The following NTM variants were observed in gnomAD, a reference collection of about 807,000 sequenced individuals.
The protein encoded by NTM is neurotrimin, also known as IgLON family member 2.
In NTM, 13 loss-of-function variants were observed where a neutral mutation model predicts 42.1. The observed-to-expected ratio is 0.31, with a 90% CI of 0.20 to 0.49. NTM has a LOEUF of 0.49. Among genes scored for constraint, NTM ranks in the 20% least tolerant of loss-of-function variants. The pLI is 0.99. For missense variants in NTM, 373 were observed against 452.8 expected, an observed-to-expected ratio of 0.82 and a Z score of 1.60; for synonymous variants, 187 against 179.2, an observed-to-expected ratio of 1.04 and a Z score of -0.35.
intron 2 of NTM, among the ~76,000 whole-genome samples, chr11:132,145,442 G>C (rs2070173212): frequency 6.6e-6 from 1 of 152,186 alleles, no homozygotes; most frequent in African/African-American, 2.4e-5. Flanking sequence ...CAGACTTGCT[G>C]TAGTAAGAGA....
At chr11:132,119,777 TAAATG>T (rs1251525915) in intron 2 of NTM, among the ~76,000 whole-genome samples, 1 of 152,204 alleles carries the variant, frequency 6.6e-6, no homozygotes, top group Non-Finnish European at 1.5e-5. Context: ...GCAGAGCTGT[TAAATG>T]AAATGCAATC....
At chr11:131,614,108 T>A (rs10894423) in intron 1 of NTM, among the ~76,000 whole-genome samples, 1 of 151,950 alleles carries the variant, frequency 6.6e-6, no homozygotes, top group Non-Finnish European at 1.5e-5. Context: ...TTCACTGAGA[T>A]CTGGGGCGAT....
At position 131,433,178 on chromosome 11, in the gene NTM, A is replaced by G. The variant is rs545083385; in HGVS notation, c.82+62290A>G. Among the ~76,000 whole-genome samples, 4 of 152,186 alleles carry G rather than the reference A, an allele frequency of 2.6e-5. No individual in the cohort carries two copies. In the East Asian group the frequency reaches 7.7e-4, roughly 29 times the overall value. On this transcript the variant is annotated intron_variant, in intron 1 of 8. Coordinates refer to ENST00000683400, the MANE Select transcript of NTM (RefSeq NM_001352005.2). ...AGCCTAGCATTCTTAAACCTGTCCC[A>G]TCACATTTAATTCTTCCATTTTCCT... is the stretch of plus-strand genomic sequence containing the variant.
intron 1 of NTM, among the ~76,000 whole-genome samples, chr11:131,609,886 T>C (rs1402416668): frequency 6.6e-6 from 1 of 152,176 alleles, no homozygotes. Flanking sequence ...TCTGCAGAGG[T>C]TGGCAGAGCT....
intron 1 of NTM, among the ~76,000 whole-genome samples, chr11:131,799,527 A>G (rs887737632): frequency 3.3e-5 from 5 of 152,128 alleles, no homozygotes; most frequent in African/African-American, 7.2e-5. Context: ...AGGGGAGGCA[A>G]TTCAAGGCCC....
At chr11:131,911,238 G>C in intron 1 of NTM, 1 of 1,405,612 alleles carries the variant, frequency 7.1e-7, no homozygotes, top group Non-Finnish European at 9.3e-7. Flanking sequence ...CGAGGAGGGA[G>C]CCCCCTTTGG....
chr11:132,273,777 C>A (rs2093603114), intron 4 of NTM, among the ~76,000 whole-genome samples: 2 of 151,974 alleles, frequency 1.3e-5, no homozygotes, highest in South Asian at 4.1e-4. Flanking sequence ...CGTGGTGGTG[C>A]ATGCCTGTAA....
intron 3 of NTM, among the ~76,000 whole-genome samples, chr11:132,187,693 G>T (rs1034734840): frequency 2.6e-5 from 4 of 152,158 alleles, no homozygotes; most frequent in Non-Finnish European, 5.9e-5. Flanking sequence ...GCATCTCTGG[G>T]CTTTGGGGAG....
chr11:132,000,324 T>G (rs2068948650), intron 2 of NTM, among the ~76,000 whole-genome samples: 1 of 152,210 alleles, frequency 6.6e-6, no homozygotes, highest in African/African-American at 2.4e-5. Flanking sequence ...AGCAAAAGAT[T>G]TCCATATCAT....
At chr11:131,416,082 C>A (rs548880671) in intron 1 of NTM, among the ~76,000 whole-genome samples, 7 of 152,244 alleles carry the variant, frequency 4.6e-5, no homozygotes, top group Admixed American at 2.6e-4. Flanking sequence ...TAATTACACT[C>A]AAAAATAATT....
In NTM at chr11:131,769,646, G is replaced by T. The variant is rs571349444; in HGVS notation, c.83-141918G>T. The T allele has an allele frequency of 6.4e-6, 6 of 938,592 alleles. No individual in the cohort carries two copies. The East Asian group carries it at 5.8e-4, about 91-fold the overall frequency. 58.1% of individuals were successfully genotyped at this position (938,592 alleles called of 1,614,324 possible). ...CCTGCCTGTGGAGCAGATAGCATGAGCTCGCTTTTACAGACGAGGCAACCG... is the reference window on the plus strand; with the variant it reads ...CCTGCCTGTGGAGCAGATAGCATGATCTCGCTTTTACAGACGAGGCAACCG... On this transcript the variant is annotated intron_variant, in intron 1 of 8. Transcript: ENST00000683400.
At chr11:131,820,318 A>G (rs2093132080) in intron 1 of NTM, among the ~76,000 whole-genome samples, 1 of 152,072 alleles carries the variant, frequency 6.6e-6, no homozygotes, top group Admixed American at 6.6e-5. Flanking sequence ...GTCCGTGGAG[A>G]GCAGGAGTCC....
intron 2 of NTM, among the ~76,000 whole-genome samples, chr11:132,081,539 TGGCTAACAC>T (rs1411370870): frequency 6.7e-6 from 1 of 150,322 alleles, no homozygotes; most frequent in African/African-American, 2.5e-5. Flanking sequence ...GAGACCATCC[TGGCTAACAC>T]GGTGAAACCC....
chr11:131,427,335 G>A (rs1429551274), intron 1 of NTM, among the ~76,000 whole-genome samples: 1 of 152,060 alleles, frequency 6.6e-6, no homozygotes, highest in Non-Finnish European at 1.5e-5. Flanking sequence ...CTTTAAAATG[G>A]CAGCTTCTCT....
intron 1 of NTM, among the ~76,000 whole-genome samples, chr11:131,416,599 C>T (rs1946984514): frequency 1.3e-5 from 2 of 152,150 alleles, no homozygotes; most frequent in Non-Finnish European, 2.9e-5. Context: ...CAGTTAGACT[C>T]AATAAACAGA....
chr11:131,527,901 C>A (rs1477423147), intron 1 of NTM, among the ~76,000 whole-genome samples: 2 of 152,168 alleles, frequency 1.3e-5, no homozygotes, highest in Non-Finnish European at 2.9e-5. Flanking sequence ...GCCCATTGAT[C>A]ATGTACTAGT....
chr11:131,762,421 G>A (rs1266128456), intron 1 of NTM, among the ~76,000 whole-genome samples: 1 of 152,246 alleles, frequency 6.6e-6, no homozygotes, highest in South Asian at 2.1e-4. Flanking sequence ...GAGGGTTTGA[G>A]TTCTACATGT....
intron 4 of NTM, among the ~76,000 whole-genome samples, chr11:132,222,064 C>T (rs577580703): frequency 2.0e-5 from 3 of 152,146 alleles, no homozygotes; most frequent in African/African-American, 4.8e-5. Flanking sequence ...CCTGTGTCAT[C>T]GCGCTGGACT....
At chr11:131,661,601 AG>A (rs1219734176) in intron 1 of NTM, among the ~76,000 whole-genome samples, 4 of 152,208 alleles carry the variant, frequency 2.6e-5, no homozygotes, top group African/African-American at 4.8e-5. Context: ...AGCATGAGGC[AG>A]GGTAGATTTC....
Sources: allele counts gnomAD v4.1 joint callset (sites outside exome capture counted in the v4.1 genomes callset), GRCh38; gene constraint gnomAD v4.1.1; transcripts MANE v1.5; gene names NCBI Gene and HGNC (gene_info 2026-07-23, HGNC 2026-07-21).